Variants in FMN1 observed in about 807,000 individuals in gnomAD.
The protein encoded by FMN1 is formin-1.
A neutral mutation model predicts 132.4 loss-of-function variants in FMN1; 110 were observed. The ratio of observed to expected loss-of-function variants is 0.83; its 90% confidence interval spans 0.71 to 0.97. The LOEUF is 0.97. FMN1 is among the 50% of genes least tolerant of loss of function. The pLI, the probability that FMN1 is intolerant of heterozygous loss-of-function variation, is 0.00. For missense variants in FMN1, 1,792 were observed against 1,705.3 expected (o/e 1.05, Z -0.90); for synonymous variants, 722 against 651.7 (o/e 1.11, Z -1.64).
chr15:33,015,919 G>A (rs961176018), intron 6 of FMN1, among the ~76,000 whole-genome samples: 4 of 151,506 alleles, frequency 2.6e-5, no homozygotes, highest in Non-Finnish European at 5.9e-5. Context: ...GTGTTGATCG[G>A]AGTTTGGTCC....
At chr15:33,042,796 A>G (rs1445955418) in intron 6 of FMN1, among the ~76,000 whole-genome samples, 1 of 150,482 alleles carries the variant, frequency 6.6e-6, no homozygotes, top group African/African-American at 2.4e-5. Flanking sequence ...TTTTAAACAA[A>G]ACACATCCCT....
intron 6 of FMN1, chr15:33,063,303 C>G (rs923837464): frequency 6.6e-6 from 1 of 152,372 alleles, no homozygotes; most frequent in African/African-American, 2.4e-5. Flanking sequence ...CCCTCAGTTC[C>G]CAGCCTGGCA....
intron 7 of FMN1, among the ~76,000 whole-genome samples, chr15:33,004,435 A>G (rs1313760781): frequency 6.6e-6 from 1 of 152,224 alleles, no homozygotes; most frequent in Non-Finnish European, 1.5e-5. Context: ...AGACACATGA[A>G]AAAATGCTCA....
intron 16 of FMN1, among the ~76,000 whole-genome samples, chr15:32,867,514 T>C (rs2059418619): frequency 6.6e-6 from 1 of 152,112 alleles, no homozygotes; most frequent in Non-Finnish European, 1.5e-5. Context: ...ATCAGGTTTT[T>C]TTTTTTTGAG....
At chr15:33,114,207 C>T (rs549480928) in intron 4 of FMN1, among the ~76,000 whole-genome samples, 1 of 152,306 alleles carries the variant, frequency 6.6e-6, no homozygotes, top group African/African-American at 2.4e-5. Flanking sequence ...CAGGAGGCAC[C>T]ACATGGCCTC....
At position 33,120,458 on chromosome 15, in the gene FMN1, A is replaced by AG. The variant is rs369394991; in HGVS notation, c.1868-31485dup. ...ACACCGGCAGGGAAGACATGTTCAA[A>AG]GTTAGCCATCTAGTGCATGTTTATT... On this transcript the variant is annotated intron_variant, in intron 4 of 20. Transcript: ENST00000616417. Among the ~76,000 whole-genome samples, 631 of 152,284 alleles carry AG rather than the reference A, an allele frequency of 4.1e-3. 5 individuals are homozygous for AG. Among genetic ancestry groups the AG allele is most frequent in the African/African-American group, 0.014 (578 of 41,560 alleles).
At position 33,155,052 on chromosome 15, in the gene FMN1, G is replaced by T; in HGVS notation, c.-131-7C>A. 1.5e-6 allele frequency: 1 copy of T among 647,452 alleles called. No homozygotes were observed. Among genetic ancestry groups the T allele is most frequent in the Non-Finnish European group, 2.6e-6 (1 of 381,344 alleles). The allele number at this position is 647,452 out of a possible 1,614,324, so 40.1% of individuals were successfully genotyped here. ...TCTCCAGCAATGAGACTGCCTGTTA[G>T]AGGAACAGGGGAAGAAAGCAGCTTG... On this transcript the variant is annotated splice_region_variant and splice_polypyrimidine_tract_variant and intron_variant, in intron 3 of 20. Coordinates refer to ENST00000616417, the MANE Select transcript of FMN1 (RefSeq NM_001277313.2).
At chr15:32,996,102 A>G (rs1566804980) in intron 7 of FMN1, among the ~76,000 whole-genome samples, 1 of 152,256 alleles carries the variant, frequency 6.6e-6, no homozygotes, top group Non-Finnish European at 1.5e-5. Flanking sequence ...TATGATAGAT[A>G]GGTCATCTAC....
At chr15:32,803,260 G>A (rs2057541741) in intron 18 of FMN1, among the ~76,000 whole-genome samples, 1 of 152,104 alleles carries the variant, frequency 6.6e-6, no homozygotes, top group Non-Finnish European at 1.5e-5. Flanking sequence ...TAATTTACCA[G>A]TACTTTTAGA....
chr15:33,122,168 A>G (rs1362401892), intron 4 of FMN1, among the ~76,000 whole-genome samples: 1 of 152,236 alleles, frequency 6.6e-6, no homozygotes, highest in African/African-American at 2.4e-5. Context: ...ATTAAGTGCA[A>G]TGTTCTTAGG....
intron 4 of FMN1, among the ~76,000 whole-genome samples, chr15:33,108,778 T>A (rs1176541103): frequency 6.6e-6 from 1 of 152,122 alleles, no homozygotes; most frequent in African/African-American, 2.4e-5. Flanking sequence ...AAAGAGACCT[T>A]CAAGAGGCAA....
At chr15:33,038,957 G>C (rs996192365) in intron 6 of FMN1, among the ~76,000 whole-genome samples, 2 of 151,664 alleles carry the variant, frequency 1.3e-5, no homozygotes, top group African/African-American at 4.9e-5. Context: ...CAAAATGTGT[G>C]GGTATCTTGT....
At position 33,168,989 on chromosome 15, in the gene FMN1, T is replaced by C. The variant is rs1030430325; in HGVS notation, c.-132+11209A>G. Reference sequence around the variant, plus strand: ...GCTGCTCTGGGAACTCCCCATTTGATTGCCACTCACAATTTCGATACTTTA... The same window carrying C: ...GCTGCTCTGGGAACTCCCCATTTGACTGCCACTCACAATTTCGATACTTTA... On this transcript the variant is annotated intron_variant, in intron 3 of 20. Transcript: ENST00000616417. Among the ~76,000 whole-genome samples, 18 of 152,314 alleles carry C rather than the reference T, an allele frequency of 1.2e-4. 1 individual carries two copies. The highest frequency in any genetic ancestry group is 3.4e-3 in the Middle Eastern group (1 of 294).
chr15:33,012,947 GA>G (rs1566824403), intron 6 of FMN1: 2 of 485,124 alleles, frequency 4.1e-6, no homozygotes, highest in Admixed American at 4.6e-5. Context: ...TCCATGAAGG[GA>G]AAAAACTTTG....
chr15:33,111,920 A>G (rs994951790), intron 4 of FMN1, among the ~76,000 whole-genome samples: 1 of 152,176 alleles, frequency 6.6e-6, no homozygotes, highest in Non-Finnish European at 1.5e-5. Context: ...TACATTTTAA[A>G]TGAGTGAATT....
intron 8 of FMN1, among the ~76,000 whole-genome samples, chr15:32,967,201 G>C (rs758389084): frequency 6.6e-6 from 1 of 152,250 alleles, no homozygotes; most frequent in Non-Finnish European, 1.5e-5. Flanking sequence ...AAACAATGTA[G>C]ACAATGATTG....
At chr15:33,101,837 T>C (rs1046639907) in intron 4 of FMN1, among the ~76,000 whole-genome samples, 1 of 152,152 alleles carries the variant, frequency 6.6e-6, no homozygotes, top group African/African-American at 2.4e-5. Flanking sequence ...TATGCTTGGC[T>C]TTCACATATT....
intron 6 of FMN1, among the ~76,000 whole-genome samples, chr15:33,036,678 T>C (rs2036207236): frequency 6.6e-6 from 1 of 152,188 alleles, no homozygotes; most frequent in Non-Finnish European, 1.5e-5. Context: ...ATCAGCAAAA[T>C]ATGGATAATT....
chr15:32,965,818 GA>G (rs1310528926), intron 8 of FMN1, among the ~76,000 whole-genome samples: 8 of 152,136 alleles, frequency 5.3e-5, no homozygotes, highest in Non-Finnish European at 8.8e-5. Flanking sequence ...ACAATAGAAT[GA>G]ACACCTGGGA....
Sources: allele counts gnomAD v4.1 joint callset (sites outside exome capture counted in the v4.1 genomes callset), GRCh38; gene constraint gnomAD v4.1.1; transcripts MANE v1.5; gene names NCBI Gene and HGNC (gene_info 2026-07-23, HGNC 2026-07-21).